The following TBCE variants were observed in gnomAD, a reference collection of about 807,000 sequenced individuals.
The protein encoded by TBCE is tubulin-specific chaperone E.
Under a neutral mutation model 77.0 loss-of-function variants are expected in TBCE, and 53 were observed. The observed-to-expected ratio is 0.69, with a 90% CI of 0.55 to 0.87. The LOEUF is 0.87. TBCE is among the 40% of genes least tolerant of loss of function. The pLI, the probability that TBCE is intolerant of heterozygous loss-of-function variation, is 0.00. For synonymous variants in TBCE, 235 were observed against 241.3 expected (o/e 0.97, Z 0.24); for missense variants, 624 against 622.4 (o/e 1.00, Z -0.03).
At chr1:235,395,423 G>A (rs1377372726) in intron 2 of TBCE, among the ~76,000 whole-genome samples, 1 of 151,916 alleles carries the variant, frequency 6.6e-6, no homozygotes, top group Admixed American at 6.6e-5. Flanking sequence ...TAGTCACCCT[G>A]TCATGCTATC....
rs1682703803 is a variant in TBCE at position 235,448,987 on chromosome 1, T to G, written c.*225T>G. On this transcript the variant is annotated 3_prime_UTR_variant, in exon 17 of 17. Transcript: ENST00000642610. ...CTACTAATGATTTTCTGATCTTATTTCATATTTATTTTTACAGCTCATCAC... is the reference window on the plus strand; with the variant it reads ...CTACTAATGATTTTCTGATCTTATTGCATATTTATTTTTACAGCTCATCAC... The G allele has an allele frequency of 6.5e-6, 3 of 458,384 alleles. No individual in the cohort carries two copies. Among genetic ancestry groups the G allele is most frequent in the Non-Finnish European group, 1.2e-5 (3 of 249,060 alleles). The allele number at this position is 458,384 out of a possible 1,614,324, so 28.4% of individuals were successfully genotyped here.
chr1:235,403,243 G>A (rs1410528002), intron 3 of TBCE, among the ~76,000 whole-genome samples: 1 of 151,992 alleles, frequency 6.6e-6, no homozygotes. Context: ...GTCTCACTCT[G>A]TGGCCAAGGC....
At chr1:235,385,556 C>T (rs1677948330) in intron 2 of TBCE, among the ~76,000 whole-genome samples, 1 of 152,012 alleles carries the variant, frequency 6.6e-6, no homozygotes, top group Non-Finnish European at 1.5e-5. Flanking sequence ...GAATTGATCC[C>T]TTTATCATTA....
chr1:235,386,265 C>A (rs1677989793), intron 2 of TBCE, among the ~76,000 whole-genome samples: 1 of 152,120 alleles, frequency 6.6e-6, no homozygotes, highest in African/African-American at 2.4e-5. Context: ...GTGAATCTGA[C>A]AATTATGTGT....
intron 1 of TBCE, among the ~76,000 whole-genome samples, chr1:235,378,858 C>T (rs1000161199): frequency 1.3e-4 from 20 of 151,922 alleles, no homozygotes; most frequent in African/African-American, 4.8e-4. Flanking sequence ...GAGACTCTGT[C>T]TCAAGAAAAG....
At chr1:235,424,779 A>C (rs751603563) in intron 5 of TBCE, among the ~76,000 whole-genome samples, 13 of 152,048 alleles carry the variant, frequency 8.5e-5, no homozygotes, top group Non-Finnish European at 1.8e-4. Flanking sequence ...TGCTGGGATT[A>C]TAGGTATGAG....
rs6697653 is a variant in TBCE, at chr1:235,437,275, G to C, written c.964-47G>C. 4.3e-6 allele frequency: 7 copies of C among 1,613,022 alleles called. No homozygotes were observed. The African/African-American group carries it at 8.0e-5, about 18-fold the overall frequency. On this transcript the variant is annotated intron_variant, in intron 11 of 16. Transcript: ENST00000642610. ...TGCTGGTTCAAACTTCTGCAAAAGT[G>C]GCATGAACGTACCGCTTTTCATTTA...
chr1:235,407,057 G>A lies in TBCE; in HGVS notation c.185+5470G>A, dbSNP rs61836198. On this transcript the variant is annotated intron_variant, in intron 3 of 16. Coordinates refer to ENST00000642610, the MANE Select transcript of TBCE (RefSeq NM_003193.5). ...TTGGTCAGGCTGGTCTCGAACTCCC[G>A]ACCTCAGGTGTTCTGCCTGCCTTGG... 8.1e-4 allele frequency among the ~76,000 whole-genome samples: 122 copies of A among 150,502 alleles called. 2 individuals carry two copies. The highest frequency in any genetic ancestry group is 4.3e-3 in the Admixed American group (65 of 15,120).
chr1:235,436,078 G>A (rs1022607215), intron 9 of TBCE: 10 of 603,856 alleles, frequency 1.7e-5, no homozygotes, highest in Admixed American at 5.9e-5. Context: ...ATTTGACCCT[G>A]GTGATAATGC....
intron 2 of TBCE, among the ~76,000 whole-genome samples, chr1:235,394,813 A>G (rs1407249567): frequency 1.3e-5 from 2 of 152,060 alleles, no homozygotes; most frequent in African/African-American, 4.8e-5. Flanking sequence ...CTGGGGCCCA[A>G]GTGATCGTCC....
chr1:235,394,972 TG>T (rs1441981643), intron 2 of TBCE, among the ~76,000 whole-genome samples: 3 of 152,220 alleles, frequency 2.0e-5, no homozygotes, highest in Non-Finnish European at 4.4e-5. Flanking sequence ...CCGAAAGTGC[TG>T]GGATCACAGG....
chr1:235,388,864 T>C (rs1044216396), intron 2 of TBCE, among the ~76,000 whole-genome samples: 1 of 152,210 alleles, frequency 6.6e-6, no homozygotes, highest in Admixed American at 6.6e-5. Flanking sequence ...TCAACAAATA[T>C]TTCAGCTGTC....
chr1:235,374,930 T>C lies in TBCE; in HGVS notation c.-31-5089T>C, dbSNP rs1245859871. ...GATTTCTTTTTTTTTCTTTTTTTTT[T>C]TTTTTTTTGAGATGGAGTCTCACTC... On this transcript the variant is annotated intron_variant, in intron 1 of 16. Coordinates refer to ENST00000642610, the MANE Select transcript of TBCE (RefSeq NM_003193.5). Among the ~76,000 whole-genome samples, 3 of 131,242 alleles carry C rather than the reference T, an allele frequency of 2.3e-5. 1 individual carries two copies. The highest frequency in any genetic ancestry group is 4.9e-5 in the Non-Finnish European group (3 of 61,284). The allele number at this position is 131,242 out of a possible 152,430, so 86.1% of individuals were successfully genotyped here.
intron 2 of TBCE, among the ~76,000 whole-genome samples, chr1:235,389,594 G>A (rs1171544177): frequency 1.3e-5 from 2 of 151,964 alleles, no homozygotes; most frequent in Non-Finnish European, 2.9e-5. Flanking sequence ...ACCTCCCAAA[G>A]TGCTGGGATT....
intron 4 of TBCE, among the ~76,000 whole-genome samples, chr1:235,416,758 G>T (rs1680137357): frequency 6.6e-6 from 1 of 152,090 alleles, no homozygotes; most frequent in African/African-American, 2.4e-5. Flanking sequence ...TGATTGAAAA[G>T]GTAAAATTTT....
chr1:235,421,148 C>CTGGTAATCTCAGCA (rs564354352), intron 5 of TBCE, among the ~76,000 whole-genome samples: 41 of 152,268 alleles, frequency 2.7e-4, no homozygotes, highest in African/African-American at 9.9e-4. Context: ...GTGGCTCATG[C>CTGGTAATCTCAGCA]TGGTAATCTC....
At chr1:235,441,762 T>C in intron 13 of TBCE, 52 bp from the exon 14 acceptor site, 4 of 1,539,896 alleles carry the variant, frequency 2.6e-6, no homozygotes, top group Admixed American at 1.7e-5. Context: ...GTTTTGTTTT[T>C]ACTTATAGTG....
Position 235,402,204 on chromosome 1 carries a change from C to G in TBCE, c.185+617C>G, listed in dbSNP as rs563200312. ...TCAGCCTCCTGAGTAGCTGGGATTA[C>G]AGGTGCCCACGACCACGCCTGGCTA... is the stretch of plus-strand genomic sequence containing the variant. On this transcript the variant is annotated intron_variant, in intron 3 of 16. Transcript: ENST00000642610. Among the ~76,000 whole-genome samples, 12 of 151,976 alleles carry G rather than the reference C, an allele frequency of 7.9e-5. No individual in the cohort carries two copies. In the East Asian group the frequency reaches 2.3e-3, roughly 29 times the overall value.
intron 8 of TBCE, among the ~76,000 whole-genome samples, 163 bp from the exon 9 acceptor site, chr1:235,435,582 T>A (rs1268821499): frequency 6.6e-6 from 1 of 152,152 alleles, no homozygotes; most frequent in Admixed American, 6.6e-5. Flanking sequence ...GGCAGGAATA[T>A]GTGCATCACC....
Sources: allele counts gnomAD v4.1 joint callset (sites outside exome capture counted in the v4.1 genomes callset), GRCh38; gene constraint gnomAD v4.1.1; transcripts MANE v1.5; gene names NCBI Gene and HGNC (gene_info 2026-07-23, HGNC 2026-07-21).